The following SLC12A7 variants were observed in gnomAD, a reference collection of about 807,000 sequenced individuals.
The protein encoded by SLC12A7 is solute carrier family 12 member 7, also known as K-Cl cotransporter 4.
SLC12A7 carries 100 observed loss-of-function variants against 120.6 expected under a neutral mutation model. That is an observed-to-expected ratio of 0.83 (90% confidence interval 0.71 to 0.98). The LOEUF (loss-of-function observed/expected upper bound fraction) is 0.98. SLC12A7 is among the 50% of genes least tolerant of loss of function. The probability of loss-of-function intolerance (pLI) is 0.00; values close to 1 mark genes in which losing one functional copy is unlikely to be tolerated. For missense variants in SLC12A7, 1,373 were observed against 1,548.1 expected (o/e 0.89, Z 1.90); for synonymous variants, 760 against 678.0 (o/e 1.12, Z -1.88).
chr5:1,154,777 G>T, the SLC12A7 span, among the ~76,000 whole-genome samples: 33,555 of 152,134 alleles, frequency 0.22, 3,785 homozygotes, highest in East Asian at 0.27. Context: ...TTCTGCCTGG[G>T]ACCTGCCTCA....
At chr5:1,084,415 G>A (rs958772604) in intron 7 of SLC12A7, among the ~76,000 whole-genome samples, 2 of 152,194 alleles carry the variant, frequency 1.3e-5, no homozygotes, top group Non-Finnish European at 2.9e-5. Flanking sequence ...CCTCGGCGGC[G>A]TCCTGGCCGG....
intron 21 of SLC12A7, among the ~76,000 whole-genome samples, chr5:1,057,884 T>A (rs923539865): frequency 4.6e-5 from 7 of 152,102 alleles, no homozygotes; most frequent in African/African-American, 1.7e-4. Flanking sequence ...GCCCTGGCCC[T>A]GAACTGGAAA....
intron 1 of SLC12A7, among the ~76,000 whole-genome samples, chr5:1,098,084 GCC>G (rs1393536680): frequency 9.8e-6 from 1 of 101,666 alleles, no homozygotes; most frequent in African/African-American, 4.2e-5. Flanking sequence ...ACACCCAGCC[GCC>G]CCCTCCAACC....
chr5:1,153,087 C>T, the SLC12A7 span, among the ~76,000 whole-genome samples: 1 of 152,242 alleles, frequency 6.6e-6, no homozygotes. Flanking sequence ...TGATGGTTGG[C>T]TGGAGCCATC....
chr5:1,064,588 G>A (rs934811992), intron 18 of SLC12A7, among the ~76,000 whole-genome samples: 9 of 152,226 alleles, frequency 5.9e-5, no homozygotes, highest in Non-Finnish European at 8.8e-5. Context: ...AAGGCCCATC[G>A]GGACCTGACA....
At chr5:1,130,884 G>A in the SLC12A7 span, among the ~76,000 whole-genome samples, 1 of 152,230 alleles carries the variant, frequency 6.6e-6, no homozygotes, top group Non-Finnish European at 1.5e-5. Context: ...TGAGCCGGGA[G>A]GCAGCTCAGG....
intron 10 of SLC12A7, 100 bp from the exon 11 acceptor site, chr5:1,078,858 C>T (rs1738670168): frequency 4.2e-6 from 3 of 719,440 alleles, no homozygotes; most frequent in Non-Finnish European, 7.4e-6. Flanking sequence ...GATGCACTGG[C>T]CAGCGGGCCG....
chr5:1,063,873 T>C lies in SLC12A7; in HGVS notation c.2710A>G (p.Ile904Val). The C allele has an allele frequency of 6.3e-7, 1 of 1,590,102 alleles. No individual in the cohort carries two copies. Among genetic ancestry groups the C allele is most frequent in the South Asian group, 1.1e-5 (1 of 90,676 alleles). The change falls in exon 20 of 24, where the codon ATC (isoleucine) becomes GTC (valine). Residue 904 changes from isoleucine to valine, a missense_variant. Transcript: ENST00000264930. ...DLQMFLYHLR[I>V]SAEVEVVEMV... ...TCCACCACCTCCACCTCGGCGCTGA[T>C]GCGCAAGTGGTACAAGAACATCTGC...
At chr5:1,086,865 ACTGTGGGGTGGGAACC>A in intron 6 of SLC12A7, 22 bp downstream of exon 6, 1 of 1,604,902 alleles carries the variant, frequency 6.2e-7, no homozygotes, top group Non-Finnish European at 8.5e-7. Context: ...CCTGCCACAG[ACTGTGGGGTGGGAACC>A]CTTCCAAAGC....
chr5:1,093,463 G>A, intron 3 of SLC12A7, 70 bp downstream of exon 3: 2 of 1,387,140 alleles, frequency 1.4e-6, no homozygotes, highest in Non-Finnish European at 1.9e-6. Context: ...CAACTGCCTT[G>A]CCGGCGTGAT....
chr5:1,094,377 T>A, intron 1 of SLC12A7, 129 bp from the exon 2 acceptor site: 1 of 703,528 alleles, frequency 1.4e-6, no homozygotes, highest in Non-Finnish European at 2.6e-6. Flanking sequence ...TGGCTAAGGG[T>A]GATACTTCTC....
chr5:1,093,682 C>A (rs749630373), intron 2 of SLC12A7, 27 bp from the exon 3 acceptor site: 3 of 1,608,100 alleles, frequency 1.9e-6, no homozygotes, highest in Non-Finnish European at 2.6e-6. Context: ...TGGTCACAGG[C>A]GGCCCGCACC....
At chr5:1,136,778 CCAA>C in the SLC12A7 span, among the ~76,000 whole-genome samples, 3 of 147,842 alleles carry the variant, frequency 2.0e-5, no homozygotes, top group South Asian at 2.2e-4. Flanking sequence ...TGCTCAGACA[CCAA>C]CACCAGGACA....
rs181536847 is a variant in SLC12A7 at position 1,062,317 on chromosome 5, C to T, written c.2739+1527G>A. 1.9e-4 allele frequency among the ~76,000 whole-genome samples: 29 copies of T among 152,316 alleles called. No homozygotes were observed. The East Asian group carries it at 4.6e-3, about 24-fold the overall frequency. On this transcript the variant is annotated intron_variant, in intron 20 of 23. Transcript: ENST00000264930. ...AAGCGGTTTTATGACTTGGAAATAA[C>T]GTTATTCATACGACTATTAGCACCA...
chr5:1,098,057 CCTCT>C (rs1270348088), intron 1 of SLC12A7, among the ~76,000 whole-genome samples: 3 of 151,842 alleles, frequency 2.0e-5, no homozygotes, highest in Admixed American at 6.6e-5. Flanking sequence ...AATCCAATGC[CCTCT>C]CTAACCTTCT....
At chr5:1,105,616 A>G (rs1306670220) in intron 1 of SLC12A7, among the ~76,000 whole-genome samples, 1 of 152,244 alleles carries the variant, frequency 6.6e-6, no homozygotes, top group Non-Finnish European at 1.5e-5. Context: ...CGCTGAAGCC[A>G]GAGGTTTATC....
Position 1,094,026 on chromosome 5 carries a change from C to A in SLC12A7, c.219+128G>T, listed in dbSNP as rs531943359. ...CGCCACAGCCTTCAGGACAGGGAGG[C>A]CCCAGTTCCTTCCACGTGGTGTCCA... On this transcript the variant is annotated intron_variant, in intron 2 of 23. Coordinates refer to ENST00000264930, the MANE Select transcript of SLC12A7 (RefSeq NM_006598.3). 30 of 700,482 alleles carry A rather than the reference C, an allele frequency of 4.3e-5. No individual in the cohort carries two copies. In the East Asian group the frequency reaches 7.5e-4, roughly 17 times the overall value. The allele number at this position is 700,482 out of a possible 1,614,324, so 43.4% of individuals were successfully genotyped here.
At chr5:1,077,284 C>T (rs955462243) in intron 12 of SLC12A7, among the ~76,000 whole-genome samples, 10 of 152,308 alleles carry the variant, frequency 6.6e-5, no homozygotes, top group African/African-American at 1.4e-4. Flanking sequence ...GGCACCCTGC[C>T]GAGGGACCAG....
At chr5:1,097,045 C>T (rs575718439) in intron 1 of SLC12A7, among the ~76,000 whole-genome samples, 17 of 152,262 alleles carry the variant, frequency 1.1e-4, no homozygotes, top group Admixed American at 3.3e-4. Context: ...AGGAAGGGTG[C>T]GTGGCTCCGG....
Sources: gnomAD v4.1 joint callset for allele counts (sites outside exome capture counted in the v4.1 genomes callset) on GRCh38, gnomAD v4.1.1 for gene constraint, MANE v1.5 for transcripts, NCBI Gene and HGNC (gene_info 2026-07-23, HGNC 2026-07-21) for gene names.